Variants in GUCY1A2 observed in about 807,000 individuals in gnomAD.
The protein encoded by GUCY1A2 is guanylate cyclase soluble subunit alpha-2.
GUCY1A2 carries 27 observed loss-of-function variants against 63.5 expected under a neutral mutation model. That is an observed-to-expected ratio of 0.43 (90% CI 0.31 to 0.59). The LOEUF is 0.59. GUCY1A2 is among the 20% of genes least tolerant of loss of function. The probability of loss-of-function intolerance (pLI) is 0.11; values close to 1 mark genes in which losing one functional copy is unlikely to be tolerated. For synonymous variants in GUCY1A2, 364 were observed against 343.5 expected (o/e 1.06, Z -0.66); for missense variants, 768 against 913.3 (o/e 0.84, Z 2.05).
intron 6 of GUCY1A2, among the ~76,000 whole-genome samples, chr11:106,709,010 C>T (rs1437227472): frequency 1.3e-5 from 2 of 149,954 alleles, no homozygotes; most frequent in African/African-American, 4.9e-5. Flanking sequence ...CACTTTCTCC[C>T]TCCAGTTATT....
At chr11:106,909,375 G>T (rs1860261012) in intron 4 of GUCY1A2, among the ~76,000 whole-genome samples, 1 of 150,236 alleles carries the variant, frequency 6.7e-6, no homozygotes, top group African/African-American at 2.5e-5. Flanking sequence ...GTGTGTGTGT[G>T]TGTGTGTGTG....
chr11:106,761,831 T>A (rs1483022678), intron 6 of GUCY1A2, among the ~76,000 whole-genome samples: 1 of 152,058 alleles, frequency 6.6e-6, no homozygotes, highest in Non-Finnish European at 1.5e-5. Flanking sequence ...AACCACAAAG[T>A]AAGAGTTTTC....
intron 6 of GUCY1A2, among the ~76,000 whole-genome samples, chr11:106,771,151 T>C (rs1247514501): frequency 1.3e-5 from 2 of 152,160 alleles, no homozygotes; most frequent in Admixed American, 6.5e-5. Context: ...CTTTCTCATA[T>C]ACCCTAGGTA....
intron 1 of GUCY1A2, among the ~76,000 whole-genome samples, chr11:106,999,729 T>C (rs569004481): frequency 3.0e-4 from 46 of 152,330 alleles, no homozygotes; most frequent in African/African-American, 1.0e-3. Flanking sequence ...CTTTTTCCAA[T>C]TACATGTCCA....
At chr11:106,736,651 T>C (rs1346081684) in intron 6 of GUCY1A2, among the ~76,000 whole-genome samples, 1 of 152,192 alleles carries the variant, frequency 6.6e-6, no homozygotes, top group Non-Finnish European at 1.5e-5. Context: ...GAATTATTTT[T>C]TCTATTTCTG....
chr11:107,017,374 G>A (rs1161424420), intron 1 of GUCY1A2, among the ~76,000 whole-genome samples: 1 of 152,144 alleles, frequency 6.6e-6, no homozygotes, highest in African/African-American at 2.4e-5. Context: ...TGAAAGACAG[G>A]GAAGCTGAAC....
At chr11:106,704,737 C>A (rs1231705397) in intron 7 of GUCY1A2, among the ~76,000 whole-genome samples, 1 of 152,032 alleles carries the variant, frequency 6.6e-6, no homozygotes, top group African/African-American at 2.4e-5. Context: ...TGAGATAAAT[C>A]ATTTATTTCA....
intron 6 of GUCY1A2, among the ~76,000 whole-genome samples, chr11:106,727,803 G>A (rs1181763089): frequency 6.6e-6 from 1 of 152,022 alleles, no homozygotes; most frequent in Non-Finnish European, 1.5e-5. Flanking sequence ...TCCTACTTTA[G>A]CAGGGATTTT....
chr11:106,781,080 A>G (rs1864450877), intron 5 of GUCY1A2, among the ~76,000 whole-genome samples: 1 of 151,216 alleles, frequency 6.6e-6, no homozygotes, highest in Non-Finnish European at 1.5e-5. Context: ...AGCTAAACCA[A>G]AATGAAACAA....
At chr11:106,921,749 GCAAGCAAA>G (rs1860446923) in intron 4 of GUCY1A2, among the ~76,000 whole-genome samples, 1 of 152,108 alleles carries the variant, frequency 6.6e-6, no homozygotes, top group South Asian at 2.1e-4. Flanking sequence ...ACTTGGTAAA[GCAAGCAAA>G]CAAGCAAAAA....
At chr11:106,724,476 G>C (rs1436425479) in intron 6 of GUCY1A2, among the ~76,000 whole-genome samples, 2 of 152,138 alleles carry the variant, frequency 1.3e-5, no homozygotes, top group Admixed American at 1.3e-4. Flanking sequence ...CTGGTCACCT[G>C]CCCTTAAGTG....
intron 6 of GUCY1A2, among the ~76,000 whole-genome samples, chr11:106,774,419 C>G (rs938031776): frequency 6.6e-6 from 1 of 152,098 alleles, no homozygotes; most frequent in Admixed American, 6.6e-5. Context: ...CGTAAGCCAC[C>G]GTGCCCAGGC....
intron 4 of GUCY1A2, among the ~76,000 whole-genome samples, chr11:106,910,858 G>C (rs1860284003): frequency 6.6e-6 from 1 of 152,046 alleles, no homozygotes. Flanking sequence ...TTACAGGAAT[G>C]TAACCTACCC....
At chr11:106,954,782 G>GT (rs1860959668) in intron 3 of GUCY1A2, among the ~76,000 whole-genome samples, 1 of 151,896 alleles carries the variant, frequency 6.6e-6, no homozygotes, top group African/African-American at 2.4e-5. Flanking sequence ...TTGTATTTTT[G>GT]TTTGTTTAAA....
At chr11:106,999,690 T>C (rs542517075) in intron 1 of GUCY1A2, among the ~76,000 whole-genome samples, 39 of 152,354 alleles carry the variant, frequency 2.6e-4, no homozygotes, top group Non-Finnish European at 4.3e-4. Context: ...TGAAAAAGTA[T>C]GTTTCTTGGG....
chr11:106,764,275 A>T (rs1455701576), intron 6 of GUCY1A2, among the ~76,000 whole-genome samples: 2 of 152,068 alleles, frequency 1.3e-5, no homozygotes, highest in African/African-American at 4.8e-5. Flanking sequence ...AATAGCAATA[A>T]TTTTTTAAGG....
At chr11:106,757,566 A>G (rs1863996220) in intron 6 of GUCY1A2, among the ~76,000 whole-genome samples, 1 of 152,108 alleles carries the variant, frequency 6.6e-6, no homozygotes, top group Non-Finnish European at 1.5e-5. Flanking sequence ...TGTTGATGCT[A>G]TTCCTCTCTG....
chr11:106,987,458 C>T (rs1565352000), intron 1 of GUCY1A2, among the ~76,000 whole-genome samples: 1 of 152,158 alleles, frequency 6.6e-6, no homozygotes, highest in Non-Finnish European at 1.5e-5. Context: ...CAAGACCATC[C>T]TTGCCAAATT....
chr11:106,756,496 T>C (rs541422715), intron 6 of GUCY1A2, among the ~76,000 whole-genome samples: 2 of 152,316 alleles, frequency 1.3e-5, no homozygotes, highest in African/African-American at 4.8e-5. Context: ...GATTGTTCCT[T>C]TCCATGTTTA....
Sources: allele counts gnomAD v4.1 joint callset (sites outside exome capture counted in the v4.1 genomes callset), GRCh38; gene constraint gnomAD v4.1.1; transcripts MANE v1.5; gene names NCBI Gene and HGNC (gene_info 2026-07-23, HGNC 2026-07-21).